The following PRDM11 variants were observed in gnomAD, a reference collection of about 807,000 sequenced individuals.
PRDM11 encodes the protein PR domain-containing protein 11.
PRDM11 carries 20 observed loss-of-function variants against 97.8 expected under a neutral mutation model. The ratio of observed to expected loss-of-function variants is 0.20; its 90% CI spans 0.14 to 0.30. PRDM11 has a LOEUF of 0.30. Among genes scored for constraint, PRDM11 ranks in the 10% least tolerant of loss-of-function variants. The pLI, the probability that PRDM11 is intolerant of heterozygous loss-of-function variation, is 1.00. For synonymous variants in PRDM11, 599 were observed against 637.7 expected, an observed-to-expected ratio of 0.94 and a Z score of 0.91; for missense variants, 1,139 against 1,555.2, an observed-to-expected ratio of 0.73 and a Z score of 4.50.
chr11:45,217,108 T>A, intron 5 of PRDM11, among the ~76,000 whole-genome samples: 1 of 152,244 alleles, frequency 6.6e-6, no homozygotes, highest in Non-Finnish European at 1.5e-5. Context: ...ACTTCTATTC[T>A]GTGCTAACCG....
At chr11:45,140,353 A>G (rs1295803453) in intron 1 of PRDM11, among the ~76,000 whole-genome samples, 1 of 152,210 alleles carries the variant, frequency 6.6e-6, no homozygotes. Context: ...CCAGGAGTCA[A>G]ATAACAGGGG....
chr11:45,203,920 A>G (rs1853417905), intron 4 of PRDM11, among the ~76,000 whole-genome samples: 1 of 152,250 alleles, frequency 6.6e-6, no homozygotes, highest in South Asian at 2.1e-4. Context: ...TGGAGTTGAA[A>G]GGTGTTCATC....
chr11:45,200,270 C>A (rs1342902218), intron 4 of PRDM11, among the ~76,000 whole-genome samples: 2 of 152,222 alleles, frequency 1.3e-5, no homozygotes, highest in Non-Finnish European at 2.9e-5. Flanking sequence ...AGCCCTCACC[C>A]AGTCCTCTCT....
Position 45,227,646 on chromosome 11 carries a change from G to A in PRDM11, c.3021G>A (p.Glu1007=). 10 of 1,533,978 alleles carry A rather than the reference G, an allele frequency of 6.5e-6. No individual in the cohort carries two copies. Among genetic ancestry groups the A allele is most frequent in the Non-Finnish European group, 6.1e-6 (7 of 1,146,740 alleles). ...SSEELMSYGK[E]DMVQIFDHLE... ...AGGAGCTGATGAGCTATGGCAAGGA[G>A]GATATGGTGCAAATATTTGATCACC... The change falls in exon 8 of 8, where the codon GAG becomes GAA. Residue 1007 remains glutamate, a synonymous_variant. Coordinates refer to ENST00000683152, the MANE Select transcript of PRDM11 (RefSeq NM_001384648.1). The surrounding 1 kb of genome is among the most constrained non-coding windows in gnomAD (Gnocchi z 8.0).
intron 1 of PRDM11, among the ~76,000 whole-genome samples, chr11:45,120,705 G>C (rs1372796397): frequency 1.3e-5 from 2 of 151,944 alleles, no homozygotes; most frequent in African/African-American, 4.8e-5. Flanking sequence ...GTCCTTCATG[G>C]TGAAGGAAAA....
At chr11:45,206,545 C>A (rs1385139045) in intron 5 of PRDM11, among the ~76,000 whole-genome samples, 2 of 152,222 alleles carry the variant, frequency 1.3e-5, no homozygotes, top group African/African-American at 4.8e-5. Flanking sequence ...GCGCCGGGAG[C>A]TTTGCCCATA....
intron 5 of PRDM11, among the ~76,000 whole-genome samples, chr11:45,208,043 C>T (rs1460157907): frequency 1.3e-5 from 2 of 152,158 alleles, no homozygotes; most frequent in Non-Finnish European, 2.9e-5. Context: ...ATGCTGTGCC[C>T]CTTGCCCAGG....
At chr11:45,146,088 G>C (rs922092543), upstream of PRDM11, among the ~76,000 whole-genome samples, 7 of 152,096 alleles carry the variant, frequency 4.6e-5, no homozygotes, top group Admixed American at 3.3e-4. Flanking sequence ...CCCACATAAA[G>C]AGTTAATATT....
At chr11:45,220,306 G>A (rs1854084038) in intron 6 of PRDM11, among the ~76,000 whole-genome samples, 1 of 152,258 alleles carries the variant, frequency 6.6e-6, no homozygotes, top group African/African-American at 2.4e-5. Context: ...ATTTTCCATA[G>A]CCTGTGAGCA....
chr11:45,143,806 G>C (rs1565258595), upstream of PRDM11, among the ~76,000 whole-genome samples: 1 of 152,182 alleles, frequency 6.6e-6, no homozygotes, highest in African/African-American at 2.4e-5. Context: ...TAACCCAGAA[G>C]GTGTGTACCA....
intron 1 of PRDM11, among the ~76,000 whole-genome samples, chr11:45,108,282 T>A (rs1300474934): frequency 6.6e-6 from 1 of 152,240 alleles, no homozygotes; most frequent in African/African-American, 2.4e-5. Flanking sequence ...GCTGCCCTGC[T>A]GCCCTGGCCT....
intron 1 of PRDM11, among the ~76,000 whole-genome samples, chr11:45,169,205 C>G (rs1214592013): frequency 6.6e-6 from 1 of 152,208 alleles, no homozygotes; most frequent in Non-Finnish European, 1.5e-5. Context: ...TAATAAACTT[C>G]CACATACCTA....
intron 5 of PRDM11, chr11:45,213,644 T>C: frequency 2.2e-6 from 1 of 456,478 alleles, no homozygotes; most frequent in Non-Finnish European, 4.4e-6. Flanking sequence ...TGTCTTGCAT[T>C]CATAGAGAGC....
chr11:45,207,410 G>A (rs1368001449), intron 5 of PRDM11, among the ~76,000 whole-genome samples: 3 of 151,872 alleles, frequency 2.0e-5, no homozygotes, highest in South Asian at 2.1e-4. Flanking sequence ...GTTCTCAACC[G>A]AGCACTATTT....
intron 1 of PRDM11, among the ~76,000 whole-genome samples, chr11:45,165,663 C>A (rs1014452586): frequency 1.3e-5 from 2 of 152,250 alleles, no homozygotes; most frequent in African/African-American, 4.8e-5. Flanking sequence ...GTGGTGTTGC[C>A]AGCCCTTCGG....
At chr11:45,212,951 GC>G in intron 5 of PRDM11, 1 of 397,918 alleles carries the variant, frequency 2.5e-6, no homozygotes, top group Non-Finnish European at 5.1e-6. Flanking sequence ...GGCCACCCAG[GC>G]CCAAGCCCCC....
At chr11:45,211,787 A>G (rs1853745651) in intron 5 of PRDM11, among the ~76,000 whole-genome samples, 1 of 151,994 alleles carries the variant, frequency 6.6e-6, no homozygotes, top group Non-Finnish European at 1.5e-5. Context: ...CATATGGCAC[A>G]GTGTATACTG....
chr11:45,095,907 T>A, intron 1 of PRDM11: 1 of 780,912 alleles, frequency 1.3e-6, no homozygotes, highest in East Asian at 2.4e-5. Context: ...AGAAAGTAAG[T>A]TGTTTAAGCT....
At chr11:45,172,868 G>C (rs1176597416) in intron 1 of PRDM11, among the ~76,000 whole-genome samples, 3 of 152,188 alleles carry the variant, frequency 2.0e-5, no homozygotes, top group Admixed American at 1.3e-4. Context: ...GGGTGCAAAT[G>C]AATGTGTGTT....
Sources: gnomAD v4.1 joint callset for allele counts (sites outside exome capture counted in the v4.1 genomes callset) on GRCh38, gnomAD v4.1.1 for gene constraint, Gnocchi (gnomAD v3.1) non-coding constraint, MANE v1.5 for transcripts, NCBI Gene and HGNC (gene_info 2026-07-23, HGNC 2026-07-21) for gene names.